SCAPER: variants seen among roughly 807,000 people sequenced by gnomAD.
The protein encoded by SCAPER is S phase cyclin A-associated protein in the endoplasmic reticulum.
In SCAPER, 98 loss-of-function variants were observed where a neutral mutation model predicts 182.2. The ratio of observed to expected loss-of-function variants is 0.54; its 90% confidence interval spans 0.46 to 0.64. The LOEUF (loss-of-function observed/expected upper bound fraction) is 0.64. SCAPER is among the 30% of genes least tolerant of loss of function. The pLI is 0.00. For missense variants in SCAPER, 1,432 were observed against 1,690.0 expected (o/e 0.85, Z 2.68); for synonymous variants, 605 against 564.6 (o/e 1.07, Z -1.01).
At chr15:76,630,247 C>T (rs1297961471) in intron 21 of SCAPER, among the ~76,000 whole-genome samples, 1 of 151,892 alleles carries the variant, frequency 6.6e-6, no homozygotes, top group Non-Finnish European at 1.5e-5. Flanking sequence ...TTCAAAAAAC[C>T]AGCCCCTGGA....
chr15:76,476,155 G>A (rs1359296152), intron 24 of SCAPER, among the ~76,000 whole-genome samples: 1 of 152,186 alleles, frequency 6.6e-6, no homozygotes, highest in Non-Finnish European at 1.5e-5. Context: ...GCAGCATTCT[G>A]GGGTCCATTT....
chr15:76,878,682 C>T (rs961337915), intron 2 of SCAPER, among the ~76,000 whole-genome samples: 1 of 152,014 alleles, frequency 6.6e-6, no homozygotes, highest in Non-Finnish European at 1.5e-5. Flanking sequence ...AATCCTAGGA[C>T]TTTGGGAGGC....
chr15:76,722,094 T>A (rs166793), intron 17 of SCAPER, among the ~76,000 whole-genome samples: 135,371 of 152,156 alleles, frequency 0.89, 60,570 homozygotes, highest in East Asian at 0.96. Flanking sequence ...ATTTTGAGAT[T>A]TGTCCCATCA....
intron 5 of SCAPER, among the ~76,000 whole-genome samples, chr15:76,828,425 T>C (rs1367533693): frequency 1.3e-5 from 2 of 152,082 alleles, no homozygotes; most frequent in Admixed American, 6.6e-5. Context: ...TTGATGATAA[T>C]GTATATGAAA....
chr15:76,815,655 C>T (rs942089210), intron 5 of SCAPER, among the ~76,000 whole-genome samples: 2 of 152,306 alleles, frequency 1.3e-5, no homozygotes, highest in Admixed American at 6.5e-5. Flanking sequence ...ACCTGAGCTC[C>T]ACCTCCTGTC....
Position 76,841,930 on chromosome 15 carries a change from C to G in SCAPER, c.197G>C (p.Ser66Thr). 1 of 1,607,644 alleles carries G rather than the reference C, an allele frequency of 6.2e-7. No homozygotes were observed. The highest frequency in any genetic ancestry group is 1.3e-5 in the African/African-American group (1 of 74,680). The stretch of plus-strand genomic sequence containing the variant: ...TGTTATTTTACAGTCCACTGCAGTA[C>G]TCTGGTGAAGTAAAATAAAACATGA... ...IQGTHKTTKQ[S>T]TAVDCKITSS... Residue 66 changes from serine (S) to threonine (T), a missense_variant and splice_region_variant, in exon 5 of 32, where the codon AGT (serine) becomes ACT (threonine). Ser to Thr is a moderately conservative substitution (Grantham distance 58). Transcript: ENST00000563290.
intron 22 of SCAPER, among the ~76,000 whole-genome samples, chr15:76,621,249 G>C (rs1446092014): frequency 6.6e-6 from 1 of 152,146 alleles, no homozygotes; most frequent in Non-Finnish European, 1.5e-5. Context: ...TGTTTACCTA[G>C]CTATTATTTA....
chr15:76,691,700 C>T (rs1598188547), intron 20 of SCAPER, among the ~76,000 whole-genome samples: 1 of 152,100 alleles, frequency 6.6e-6, no homozygotes, highest in East Asian at 1.9e-4. Context: ...ATTTCCCCAC[C>T]AGGAGATTCT....
At chr15:76,382,179 C>G (rs1205883700) in intron 27 of SCAPER, among the ~76,000 whole-genome samples, 1 of 152,010 alleles carries the variant, frequency 6.6e-6, no homozygotes, top group Non-Finnish European at 1.5e-5. Context: ...CAAGAATAAG[C>G]AAGTACTGGA....
At chr15:76,647,852 C>T (rs1043489326) in intron 21 of SCAPER, among the ~76,000 whole-genome samples, 2 of 152,046 alleles carry the variant, frequency 1.3e-5, no homozygotes, top group Non-Finnish European at 2.9e-5. Context: ...AAGGACATAC[C>T]TTAGAAGGAG....
intron 10 of SCAPER, among the ~76,000 whole-genome samples, chr15:76,768,047 C>T (rs913221859): frequency 5.3e-5 from 8 of 152,004 alleles, no homozygotes; most frequent in Non-Finnish European, 8.8e-5. Flanking sequence ...CCTAACAGAA[C>T]TTCAAAATAT....
At chr15:76,681,325 T>C (rs1002327921) in intron 20 of SCAPER, among the ~76,000 whole-genome samples, 2 of 152,184 alleles carry the variant, frequency 1.3e-5, no homozygotes, top group East Asian at 1.9e-4. Flanking sequence ...AAATACTGTG[T>C]CCACTTAAAA....
chr15:76,356,826 C>A (rs2040992189), intron 29 of SCAPER, among the ~76,000 whole-genome samples: 1 of 152,190 alleles, frequency 6.6e-6, no homozygotes, highest in Admixed American at 6.5e-5. Context: ...TTGGTGGCCA[C>A]ACTCATCAGC....
intron 24 of SCAPER, 98 bp downstream of exon 24, chr15:76,504,761 T>C (rs1201389338): frequency 1.0e-6 from 1 of 960,308 alleles, no homozygotes; most frequent in South Asian, 1.8e-5. Context: ...CAACCCTGAA[T>C]ACACATACAA....
At chr15:76,504,812 T>A (rs567505820) in intron 24 of SCAPER, 47 bp downstream of exon 24, 3 of 1,460,950 alleles carry the variant, frequency 2.1e-6, no homozygotes, top group Non-Finnish European at 1.9e-6. Context: ...AGGGCAGAAA[T>A]GACTCACAAA....
chr15:76,403,833 G>C (rs1270301652), intron 27 of SCAPER, among the ~76,000 whole-genome samples: 1 of 152,114 alleles, frequency 6.6e-6, no homozygotes, highest in Non-Finnish European at 1.5e-5. Flanking sequence ...GGATGGGTTG[G>C]GGAGAAGACA....
chr15:76,537,440 C>A (rs2044277782), intron 23 of SCAPER, among the ~76,000 whole-genome samples: 2 of 152,116 alleles, frequency 1.3e-5, no homozygotes, highest in South Asian at 4.1e-4. Flanking sequence ...TGATCTTTGA[C>A]AAACCTGAGA....
chr15:76,778,111 T>A (rs1223274023), intron 8 of SCAPER, among the ~76,000 whole-genome samples: 1 of 152,188 alleles, frequency 6.6e-6, no homozygotes, highest in African/African-American at 2.4e-5. Context: ...TATCACAGCA[T>A]CATAAAGTTG....
chr15:76,713,974 G>A (rs1408725643), intron 17 of SCAPER, among the ~76,000 whole-genome samples: 1 of 151,946 alleles, frequency 6.6e-6, no homozygotes, highest in African/African-American at 2.4e-5. Context: ...CAAAAAAACT[G>A]GAGATAATCC....
Sources: gnomAD v4.1 joint callset for allele counts (sites outside exome capture counted in the v4.1 genomes callset) on GRCh38, gnomAD v4.1.1 for gene constraint, MANE v1.5 for transcripts, NCBI Gene and HGNC (gene_info 2026-07-23, HGNC 2026-07-21) for gene names.